The following SLC16A14 variants were observed in gnomAD, a reference collection of about 807,000 sequenced individuals.
SLC16A14 encodes the protein monocarboxylate transporter 14.
In SLC16A14, 14 loss-of-function variants were observed where a neutral mutation model predicts 35.8. The ratio of observed to expected loss-of-function variants is 0.39; its 90% confidence interval spans 0.26 to 0.61. SLC16A14 has a LOEUF of 0.61. SLC16A14 is among the 20% of genes least tolerant of loss of function. SLC16A14 has a pLI of 0.51. For missense variants in SLC16A14, 533 were observed against 655.0 expected (o/e 0.81, Z 2.03); for synonymous variants, 248 against 258.9 (o/e 0.96, Z 0.40).
chr2:230,045,420 C>T (rs1207032133), intron 4 of SLC16A14, among the ~76,000 whole-genome samples: 2 of 152,032 alleles, frequency 1.3e-5, no homozygotes, highest in Non-Finnish European at 1.5e-5. Context: ...ATTAGCCGGG[C>T]GTGGTGGTGC....
At chr2:230,039,438 T>C (rs962253795) in intron 4 of SLC16A14, among the ~76,000 whole-genome samples, 1 of 152,112 alleles carries the variant, frequency 6.6e-6, no homozygotes, top group African/African-American at 2.4e-5. Flanking sequence ...CCAAAAATAA[T>C]GCTTCAGCTT....
intron 2 of SLC16A14, 133 bp downstream of exon 2, chr2:230,058,961 T>G: frequency 2.1e-6 from 3 of 1,459,606 alleles, no homozygotes; most frequent in Non-Finnish European, 2.7e-6. Flanking sequence ...GTTATGCATA[T>G]TTTATCACAA....
intron 2 of SLC16A14, among the ~76,000 whole-genome samples, chr2:230,053,299 C>G (rs1299928633): frequency 6.6e-6 from 1 of 152,154 alleles, no homozygotes; most frequent in Admixed American, 6.5e-5. Flanking sequence ...ATCAAACCAC[C>G]ATTTCCAGAA....
In SLC16A14 at chr2:230,038,134, A is replaced by G. The variant is rs183881696; in HGVS notation, c.1382-603T>C. Reference sequence around the variant, plus strand: ...TTAATATTTACATTTATAAAACTCTAAGTTGCCAAAGATACTGCCATAGAT... The same window carrying G: ...TTAATATTTACATTTATAAAACTCTGAGTTGCCAAAGATACTGCCATAGAT... On this transcript the variant is annotated intron_variant, in intron 4 of 4. Transcript: ENST00000295190. The surrounding 1 kb of genome is among the most constrained non-coding windows in gnomAD (Gnocchi z 4.4). Among the ~76,000 whole-genome samples the G allele has an allele frequency of 3.9e-5, 6 of 152,336 alleles. No homozygotes were observed. The East Asian group carries it at 9.6e-4, about 24-fold the overall frequency.
chr2:230,061,263 T>C (rs1560482091), intron 1 of SLC16A14, among the ~76,000 whole-genome samples: 1 of 152,268 alleles, frequency 6.6e-6, no homozygotes, highest in Non-Finnish European at 1.5e-5. Context: ...TAAGTTCCAA[T>C]TATGTTGAAT....
chr2:230,046,739 G>C lies in SLC16A14; in HGVS notation c.404-17C>G. The C allele has an allele frequency of 6.4e-7, 1 of 1,574,376 alleles. No homozygotes were observed. The highest frequency in any genetic ancestry group is 8.6e-7 in the Non-Finnish European group (1 of 1,165,790). The stretch of plus-strand genomic sequence containing the variant: ...TGCCCAGGCCTGTACAGGCCGACGG[G>C]GGGAAGAAAAGACACAGTGCAACAT... On this transcript the variant is annotated splice_polypyrimidine_tract_variant and intron_variant, in intron 3 of 4. Transcript: ENST00000295190. The surrounding 1 kb of genome is among the most constrained non-coding windows in gnomAD (Gnocchi z 5.0).
chr2:230,037,593 T>A (rs1327263544), intron 4 of SLC16A14, 62 bp from the exon 5 acceptor site: 9 of 1,375,444 alleles, frequency 6.5e-6, no homozygotes, highest in Non-Finnish European at 8.8e-6. Flanking sequence ...GTGAAGAACA[T>A]GAAGCAGGCA....
At chr2:230,048,175 C>G (rs1450800766) in intron 3 of SLC16A14, among the ~76,000 whole-genome samples, 1 of 152,196 alleles carries the variant, frequency 6.6e-6, no homozygotes, top group Non-Finnish European at 1.5e-5. Context: ...GTCATTTAAT[C>G]ATTTCAACAA....
intron 4 of SLC16A14, among the ~76,000 whole-genome samples, chr2:230,043,030 T>C (rs992823941): frequency 4.6e-5 from 7 of 152,222 alleles, no homozygotes; most frequent in African/African-American, 1.4e-4. Flanking sequence ...GCTTAAACTA[T>C]CATTGTCAGG....
chr2:230,046,736 C>A lies in SLC16A14; in HGVS notation c.404-14G>T, dbSNP rs1050254434. 1.3e-6 allele frequency: 2 copies of A among 1,570,810 alleles called. No individual in the cohort carries two copies. The highest frequency in any genetic ancestry group is 3.5e-5 in the Admixed American group (2 of 56,398). ...CGCTGCCCAGGCCTGTACAGGCCGACGGGGGGAAGAAAAGACACAGTGCAA... is the reference window on the plus strand; with the variant it reads ...CGCTGCCCAGGCCTGTACAGGCCGAAGGGGGGAAGAAAAGACACAGTGCAA... On this transcript the variant is annotated splice_polypyrimidine_tract_variant and intron_variant, in intron 3 of 4. Transcript: ENST00000295190. The surrounding 1 kb of genome is among the most constrained non-coding windows in gnomAD (Gnocchi z 5.0).
chr2:230,049,573 C>A (rs201713468), intron 3 of SLC16A14, among the ~76,000 whole-genome samples, 188 bp downstream of exon 3: 3 of 152,122 alleles, frequency 2.0e-5, no homozygotes, highest in Non-Finnish European at 4.4e-5. Context: ...GGGCTCCCCC[C>A]ACTTAAGGCA....
intron 2 of SLC16A14, among the ~76,000 whole-genome samples, chr2:230,052,621 GA>G (rs112841296): frequency 3.0e-4 from 44 of 148,786 alleles, no homozygotes; most frequent in Non-Finnish European, 4.6e-4. Flanking sequence ...AGGCGTTTGA[GA>G]AAAAAAAAAG....
At chr2:230,037,956 G>A (rs530875525) in intron 4 of SLC16A14, among the ~76,000 whole-genome samples, 34 of 152,266 alleles carry the variant, frequency 2.2e-4, no homozygotes, top group African/African-American at 7.9e-4. Context: ...CTACAAAAAC[G>A]ATTCTGAAGT....
intron 1 of SLC16A14, 81 bp from the exon 2 acceptor site, chr2:230,059,447 C>A (rs1411280531): frequency 9.0e-7 from 1 of 1,105,954 alleles, no homozygotes. Flanking sequence ...TCTACCTCCC[C>A]ATCAGGGTCA....
intron 2 of SLC16A14, among the ~76,000 whole-genome samples, chr2:230,054,157 G>GTAA (rs2077686244): frequency 6.6e-6 from 1 of 152,010 alleles, no homozygotes; most frequent in Admixed American, 6.6e-5. Context: ...GCTATAAAGT[G>GTAA]ATTTAGCAAG....
At chr2:230,065,088 AATG>A (rs1480529465) in intron 1 of SLC16A14, among the ~76,000 whole-genome samples, 3 of 152,198 alleles carry the variant, frequency 2.0e-5, no homozygotes, top group African/African-American at 2.4e-5. Context: ...TTTCTAAATC[AATG>A]ATAAGAACTT....
intron 4 of SLC16A14, among the ~76,000 whole-genome samples, chr2:230,042,586 G>A (rs769082699): frequency 6.6e-5 from 10 of 152,176 alleles, no homozygotes; most frequent in Non-Finnish European, 1.2e-4. Context: ...TGCATACAGT[G>A]TATCTGAAGG....
At position 230,046,135 on chromosome 2, in the gene SLC16A14, C is replaced by T. The variant is rs771310643; in HGVS notation, c.991G>A (p.Val331Ile). The change falls in exon 4 of 5, where the codon GTC (valine) becomes ATC (isoleucine). Residue 331 changes from valine to isoleucine, a missense_variant. Physicochemically the swap from Val to Ile is conservative, Grantham distance 29. Coordinates refer to ENST00000295190, the MANE Select transcript of SLC16A14 (RefSeq NM_152527.5). This position sits in a 1 kb window ranked among gnomAD's most constrained non-coding sequence, Gnocchi z 5.0. ...FWALFAYSSFVIPFIHLPEIV... is the reference protein window; with the variant it reads ...FWALFAYSSFIIPFIHLPEIV... ...TCTGGGAGGTGAATGAAGGGGATGA[C>T]AAAGCTGCTGTATGCAAACAAAGCC... The T allele has an allele frequency of 2.3e-5, 37 of 1,613,752 alleles. No homozygotes were observed. Among genetic ancestry groups the T allele is most frequent in the Non-Finnish European group, 3.4e-6 (4 of 1,179,772 alleles).
chr2:230,043,372 G>A (rs1044512082), intron 4 of SLC16A14, among the ~76,000 whole-genome samples: 4 of 152,222 alleles, frequency 2.6e-5, no homozygotes, highest in African/African-American at 7.2e-5. Flanking sequence ...GTGTTTGTTG[G>A]TGCAAGCTCT....
Sources: allele counts gnomAD v4.1 joint callset (sites outside exome capture counted in the v4.1 genomes callset), GRCh38; gene constraint gnomAD v4.1.1; non-coding constraint Gnocchi (gnomAD v3.1); transcripts MANE v1.5; gene names NCBI Gene and HGNC (gene_info 2026-07-23, HGNC 2026-07-21).